Variants in MIAT observed in about 807,000 individuals in gnomAD.
MIAT encodes myocardial infarction associated transcript, also known as MI related novel mRNA.
intron 3 of MIAT, among the ~76,000 whole-genome samples, chr22:26,665,116 C>T (rs1930796850): frequency 6.6e-6 from 1 of 152,066 alleles, no homozygotes; most frequent in Non-Finnish European, 1.5e-5. Context: ...TGGCACACAT[C>T]TGTAATCTCA....
intron 2 of MIAT, among the ~76,000 whole-genome samples, chr22:26,652,249 C>T (rs1376616020): frequency 6.6e-6 from 1 of 152,196 alleles, no homozygotes; most frequent in Non-Finnish European, 1.5e-5. Context: ...TGGACTCAAG[C>T]GATCTTCCCA....
chr22:26,673,376 C>T (rs1931134904), downstream of MIAT: 2 of 399,022 alleles, frequency 5.0e-6, no homozygotes, highest in East Asian at 3.6e-5. Flanking sequence ...TTGCTCTCAC[C>T]CAGCTAATCC....
intron 2 of MIAT, among the ~76,000 whole-genome samples, chr22:26,649,190 G>A (rs955199422): frequency 7.9e-5 from 12 of 152,130 alleles, no homozygotes; most frequent in Non-Finnish European, 1.3e-4. Context: ...TGTAATCTCC[G>A]TTTTACAGAA....
At chr22:26,657,938 G>T (rs1304251636) in intron 2 of MIAT, among the ~76,000 whole-genome samples, 1 of 152,174 alleles carries the variant, frequency 6.6e-6, no homozygotes, top group Admixed American at 6.5e-5. Flanking sequence ...TTGCAATCAT[G>T]ATTATGAGGG....
intron 2 of MIAT, among the ~76,000 whole-genome samples, chr22:26,647,742 GC>G (rs1445162416): frequency 6.6e-6 from 1 of 152,120 alleles, no homozygotes; most frequent in Non-Finnish European, 1.5e-5. Flanking sequence ...TCTTCAGGCT[GC>G]TGCAGCAAGG....
chr22:26,673,759 C>A, downstream of MIAT: 1 of 398,670 alleles, frequency 2.5e-6, no homozygotes, highest in Admixed American at 4.4e-5. Context: ...TGAGTCAGAA[C>A]AATCAGAAGT....
At chr22:26,647,919 T>A (rs763275) in intron 2 of MIAT, among the ~76,000 whole-genome samples, 1 of 151,644 alleles carries the variant, frequency 6.6e-6, no homozygotes, top group Non-Finnish European at 1.5e-5. Context: ...AGGGTGAGTG[T>A]GAAACTGGAG....
intron 3 of MIAT, among the ~76,000 whole-genome samples, chr22:26,663,700 T>C (rs1450910288): frequency 6.6e-6 from 1 of 152,182 alleles, no homozygotes; most frequent in Non-Finnish European, 1.5e-5. Flanking sequence ...TTTCATCACA[T>C]ACAAATGAGT....
chr22:26,664,434 C>T (rs539779841), intron 3 of MIAT, among the ~76,000 whole-genome samples: 1 of 152,192 alleles, frequency 6.6e-6, no homozygotes, highest in Admixed American at 6.5e-5. Flanking sequence ...CCAAGTTGTA[C>T]AACCTTCACC....
At chr22:26,663,971 A>G (rs74276997) in intron 3 of MIAT, among the ~76,000 whole-genome samples, 1 of 100,442 alleles carries the variant, frequency 1.0e-5, no homozygotes, top group African/African-American at 3.6e-5. Flanking sequence ...TTTTTTTTTT[A>G]ATGTTCCATA....
intron 2 of MIAT, among the ~76,000 whole-genome samples, chr22:26,655,055 C>A (rs1314611160): frequency 6.6e-6 from 1 of 152,206 alleles, no homozygotes; most frequent in Non-Finnish European, 1.5e-5. Context: ...ATTGGTCCCA[C>A]CCTGATAGTG....
intron 2 of MIAT, chr22:26,657,387 C>A (rs1278331478): frequency 2.6e-6 from 1 of 384,486 alleles, no homozygotes; most frequent in Non-Finnish European, 4.5e-6. Context: ...GTTGTAGGGG[C>A]GCAAGGAGGC....
intron 2 of MIAT, among the ~76,000 whole-genome samples, chr22:26,655,787 C>G (rs1219642467): frequency 2.0e-5 from 3 of 152,182 alleles, no homozygotes; most frequent in African/African-American, 7.2e-5. Context: ...CTGGGCCTTC[C>G]TTTCTTTCCC....
intron 2 of MIAT, among the ~76,000 whole-genome samples, chr22:26,648,109 C>T (rs891428811): frequency 6.6e-5 from 10 of 152,090 alleles, no homozygotes; most frequent in Non-Finnish European, 1.2e-4. Flanking sequence ...GCTGTGCTGG[C>T]GGCTGCGGTC....
At chr22:26,674,515 C>G (rs1255887497), downstream of MIAT, 5 of 398,666 alleles carry the variant, frequency 1.3e-5, no homozygotes, top group Non-Finnish European at 2.2e-5. Context: ...TTGCTTGGGT[C>G]GTTGAATGCT....
chr22:26,651,070 C>T (rs574151222), intron 2 of MIAT, among the ~76,000 whole-genome samples: 7 of 147,372 alleles, frequency 4.7e-5, no homozygotes, highest in African/African-American at 1.0e-4. Context: ...ATTACAGGGC[C>T]GGGGAGGGGG....
exon 5 of MIAT, chr22:26,675,816 TGCAAGAGCTG>T (rs1271592277): frequency 2.5e-6 from 1 of 398,540 alleles, no homozygotes; most frequent in African/African-American, 2.1e-5. Flanking sequence ...GGAGTAAGCT[TGCAAGAGCTG>T]ATCCTGGTCC....
intron 2 of MIAT, among the ~76,000 whole-genome samples, chr22:26,648,673 A>G (rs1250429698): frequency 2.0e-5 from 3 of 151,858 alleles, no homozygotes; most frequent in Non-Finnish European, 4.4e-5. Context: ...AGTGCCGCTA[A>G]TGTAGTAGAG....
intron 2 of MIAT, among the ~76,000 whole-genome samples, chr22:26,658,744 C>CCGCCG: frequency 6.6e-6 from 1 of 152,332 alleles, no homozygotes; most frequent in African/African-American, 2.4e-5. Context: ...CACTGCAGTG[C>CCGCCG]CGCCGCGGGG....
Sources: gnomAD v4.1 joint callset for allele counts (sites outside exome capture counted in the v4.1 genomes callset) on GRCh38, gnomAD v4.1.1 for gene constraint, MANE v1.5 for transcripts, NCBI Gene and HGNC (gene_info 2026-07-23, HGNC 2026-07-21) for gene names.